Variants in CACNA1E observed in about 807,000 individuals in gnomAD.
CACNA1E encodes calcium voltage-gated channel subunit alpha1 E.
CACNA1E carries 40 observed loss-of-function variants against 259.2 expected under a neutral mutation model. The ratio of observed to expected loss-of-function variants is 0.15; its 90% CI spans 0.12 to 0.20. The LOEUF is 0.20. CACNA1E is among the 10% of genes least tolerant of loss of function. CACNA1E has a pLI of 1.00. For synonymous variants in CACNA1E, 1,104 were observed against 1,138.5 expected (o/e 0.97, Z 0.61); for missense variants, 1,874 against 3,040.1 (o/e 0.62, Z 9.02).
intron 3 of CACNA1E, among the ~76,000 whole-genome samples, chr1:181,529,625 C>T (rs923176193): frequency 4.6e-5 from 7 of 152,188 alleles, no homozygotes; most frequent in African/African-American, 1.7e-4. Flanking sequence ...TGGGAACCTA[C>T]CTTTGGCATT....
At chr1:181,357,730 T>C (rs986966135) in intron 1 of CACNA1E, among the ~76,000 whole-genome samples, 1 of 152,168 alleles carries the variant, frequency 6.6e-6, no homozygotes, top group Non-Finnish European at 1.5e-5. Flanking sequence ...TTCAAAGCTA[T>C]ATAGATTAAC....
chr1:181,460,608 A>G (rs758823202), intron 2 of CACNA1E, among the ~76,000 whole-genome samples: 2 of 152,218 alleles, frequency 1.3e-5, no homozygotes, highest in Non-Finnish European at 2.9e-5. Flanking sequence ...ATTTTTATTC[A>G]AACCCATCCA....
At chr1:181,770,768 A>G (rs1659433021) in intron 35 of CACNA1E, among the ~76,000 whole-genome samples, 2 of 152,212 alleles carry the variant, frequency 1.3e-5, no homozygotes. Context: ...ATAGAAACAT[A>G]TCTAAGGAAG....
intron 1 of CACNA1E, among the ~76,000 whole-genome samples, chr1:181,347,896 T>C (rs1652730027): frequency 6.6e-6 from 1 of 152,248 alleles, no homozygotes; most frequent in African/African-American, 2.4e-5. Context: ...AATATCCCAG[T>C]TGAAGGTGTA....
At chr1:181,792,692 T>C (rs1159725123) in intron 44 of CACNA1E, among the ~76,000 whole-genome samples, 1 of 152,098 alleles carries the variant, frequency 6.6e-6, no homozygotes, top group Non-Finnish European at 1.5e-5. Context: ...TTTTAGGGTG[T>C]CATTTCCTAA....
chr1:181,744,260 A>G (rs571274748), intron 25 of CACNA1E, among the ~76,000 whole-genome samples: 94 of 152,236 alleles, frequency 6.2e-4, no homozygotes, highest in Non-Finnish European at 1.0e-3. Context: ...CTGTAGCAGC[A>G]GAGTTATATA....
chr1:181,435,103 T>G (rs1659996168), intron 2 of CACNA1E, among the ~76,000 whole-genome samples: 1 of 152,160 alleles, frequency 6.6e-6, no homozygotes, highest in Non-Finnish European at 1.5e-5. Flanking sequence ...AGATCATAAG[T>G]CAAACCATCA....
At chr1:181,401,335 C>T (rs531385242) in intron 1 of CACNA1E, among the ~76,000 whole-genome samples, 1 of 152,296 alleles carries the variant, frequency 6.6e-6, no homozygotes, top group East Asian at 1.9e-4. Context: ...GGCAGCCTCC[C>T]CAACTCCCCA....
chr1:181,552,762 C>A (rs1648308575), intron 3 of CACNA1E, among the ~76,000 whole-genome samples: 1 of 152,070 alleles, frequency 6.6e-6, no homozygotes, highest in African/African-American at 2.4e-5. Flanking sequence ...CTCTAAATTC[C>A]CTCCCCTCGC....
intron 2 of CACNA1E, among the ~76,000 whole-genome samples, chr1:181,457,477 G>C (rs185653885): frequency 2.6e-5 from 4 of 152,358 alleles, no homozygotes; most frequent in Admixed American, 2.6e-4. Context: ...CTTACAAGTG[G>C]AGTGACTCCC....
At chr1:181,402,105 C>T (rs1160397907) in intron 1 of CACNA1E, among the ~76,000 whole-genome samples, 11 of 152,196 alleles carry the variant, frequency 7.2e-5, no homozygotes, top group Non-Finnish European at 1.3e-4. Flanking sequence ...TCTGCTAACA[C>T]AACTAAAGGT....
At chr1:181,649,785 A>G (rs1572488029) in intron 6 of CACNA1E, among the ~76,000 whole-genome samples, 1 of 152,158 alleles carries the variant, frequency 6.6e-6, no homozygotes, top group East Asian at 1.9e-4. Context: ...TCTCACTTAT[A>G]GGTGGGGGAT....
intron 6 of CACNA1E, among the ~76,000 whole-genome samples, chr1:181,645,151 T>C (rs1658149590): frequency 6.6e-6 from 1 of 152,142 alleles, no homozygotes; most frequent in African/African-American, 2.4e-5. Context: ...GCTCAGCACA[T>C]GCAGGAAAGT....
intron 6 of CACNA1E, among the ~76,000 whole-genome samples, chr1:181,597,201 CAG>C (rs1653266900): frequency 6.6e-6 from 1 of 152,194 alleles, no homozygotes; most frequent in African/African-American, 2.4e-5. Context: ...CCCTGGCACT[CAG>C]AGGAGTTTAT....
At chr1:181,490,170 G>A (rs755734743) in intron 1 of CACNA1E, among the ~76,000 whole-genome samples, 3 of 152,142 alleles carry the variant, frequency 2.0e-5, no homozygotes, top group Admixed American at 6.5e-5. Flanking sequence ...TGGAAAGCAG[G>A]GAGCAGCTAG....
rs544723301 is a variant in CACNA1E, at chr1:181,659,355, G to A, written c.1055+7914G>A. 3.3e-5 allele frequency among the ~76,000 whole-genome samples: 5 copies of A among 152,296 alleles called. No individual in the cohort carries two copies. In the South Asian group the frequency reaches 1.0e-3, roughly 32 times the overall value. ...ATTTAAAGAGGAAGTATGGATGGAA[G>A]CATTGTAGCATTTTTACTTGTCTCA... On this transcript the variant is annotated intron_variant, in intron 7 of 47. Transcript: ENST00000367573.
In CACNA1E at chr1:181,741,612, A is replaced by G. The variant is rs183968389; in HGVS notation, c.3719+2359A>G. Among the ~76,000 whole-genome samples, 864 of 152,276 alleles carry G rather than the reference A, an allele frequency of 5.7e-3. 5 individuals carry two copies. Among genetic ancestry groups the G allele is most frequent in the Non-Finnish European group, 9.5e-3 (649 of 68,018 alleles). On this transcript the variant is annotated intron_variant, in intron 25 of 47. Transcript: ENST00000367573. ...GTAACCAGGCTGGTGTGTTGGTGCC[A>G]GTGTGGGAGGAGGTGTGTTTTAGAG...
At chr1:181,569,597 T>C (rs1056727390) in intron 3 of CACNA1E, among the ~76,000 whole-genome samples, 5 of 152,240 alleles carry the variant, frequency 3.3e-5, no homozygotes, top group Non-Finnish European at 7.3e-5. Flanking sequence ...ATTCAGTAGA[T>C]TTTTGATAGA....
chr1:181,754,255 G>A lies in CACNA1E; in HGVS notation c.3829-982G>A, dbSNP rs138545049. Reference sequence around the variant, plus strand: ...TTAAATTAGAAAGGGCTAGTTCCTCGCTCTGCAGCTCCATAACCTGAGAGA... The same window carrying A: ...TTAAATTAGAAAGGGCTAGTTCCTCACTCTGCAGCTCCATAACCTGAGAGA... On this transcript the variant is annotated intron_variant, in intron 27 of 47. Coordinates refer to ENST00000367573, the MANE Select transcript of CACNA1E (RefSeq NM_001205293.3). 3.3e-5 allele frequency among the ~76,000 whole-genome samples: 5 copies of A among 152,304 alleles called. No individual in the cohort carries two copies. The East Asian group carries it at 7.7e-4, about 24-fold the overall frequency.
Sources: gnomAD v4.1 joint callset for allele counts (sites outside exome capture counted in the v4.1 genomes callset) on GRCh38, gnomAD v4.1.1 for gene constraint, MANE v1.5 for transcripts, NCBI Gene and HGNC (gene_info 2026-07-23, HGNC 2026-07-21) for gene names.